The following BICRAL variants were observed in gnomAD, a reference collection of about 807,000 sequenced individuals.
BICRAL encodes BICRA like chromatin remodeling complex associated protein.
Under a neutral mutation model 91.8 loss-of-function variants are expected in BICRAL, and 8 were observed. That is an observed-to-expected ratio of 0.09 (90% CI 0.05 to 0.16). BICRAL has a LOEUF of 0.16. Ranked by LOEUF, BICRAL falls within the 10% of genes least tolerant of loss-of-function variation. The pLI, the probability that BICRAL is intolerant of heterozygous loss-of-function variation, is 1.00. For synonymous variants in BICRAL, 445 were observed against 491.1 expected, an observed-to-expected ratio of 0.91 and a Z score of 1.24; for missense variants, 1,038 against 1,310.9, an observed-to-expected ratio of 0.79 and a Z score of 3.21.
intron 8 of BICRAL, among the ~76,000 whole-genome samples, chr6:42,854,610 T>G (rs1258362853): frequency 6.6e-6 from 1 of 152,150 alleles, no homozygotes; most frequent in Non-Finnish European, 1.5e-5. Context: ...CTCGATCACC[T>G]GGGCTCATGC....
chr6:42,838,538 A>G (rs886546951), intron 6 of BICRAL, among the ~76,000 whole-genome samples: 1 of 152,200 alleles, frequency 6.6e-6, no homozygotes, highest in Non-Finnish European at 1.5e-5. Context: ...AGACCATGTG[A>G]CTATTCTGTT....
intron 6 of BICRAL, among the ~76,000 whole-genome samples, chr6:42,835,053 A>G (rs947612788): frequency 2.6e-5 from 4 of 152,160 alleles, no homozygotes; most frequent in Non-Finnish European, 4.4e-5. Context: ...ATTCTAATCC[A>G]TGACTACAGA....
intron 2 of BICRAL, among the ~76,000 whole-genome samples, chr6:42,814,295 C>T (rs1582838769): frequency 1.5e-5 from 2 of 131,592 alleles, no homozygotes; most frequent in South Asian, 5.1e-4. Flanking sequence ...AGTGCAGTGG[C>T]GTGATCTCAG....
intron 8 of BICRAL, among the ~76,000 whole-genome samples, chr6:42,853,975 A>G (rs1208749237): frequency 6.6e-6 from 1 of 152,176 alleles, no homozygotes; most frequent in African/African-American, 2.4e-5. Context: ...TCATTAATCC[A>G]TCATTTCCTC....
In BICRAL at chr6:42,828,840, G is replaced by A. The variant is rs758298312; in HGVS notation, c.507G>A (p.Thr169=). 48 of 1,614,040 alleles carry A rather than the reference G, an allele frequency of 3.0e-5. No individual in the cohort carries two copies. In the East Asian group the frequency reaches 6.2e-4, roughly 21 times the overall value. ...SGQTLQPIGV[T]HVPVGASFAS... ...AGACGCTGCAGCCTATAGGGGTGAC[G>A]CATGTGCCTGTTGGAGCATCGTTTG... The change falls in exon 6 of 13, where the codon ACG becomes ACA. Residue 169 remains threonine (T), a synonymous_variant. Coordinates refer to ENST00000314073, the MANE Select transcript of BICRAL (RefSeq NM_001393499.1).
At position 42,762,082 on chromosome 6, in the gene BICRAL, G is replaced by A. The variant is rs76167435; in HGVS notation, c.-261+15059G>A. On this transcript the variant is annotated intron_variant, in intron 1 of 14. Transcript: ENST00000614467. ...CGACCTTTTATACTTTTGTTCTTTT[G>A]CAGTTCCCAGTCCTTAAGGTCAGTG... 5.7e-3 allele frequency among the ~76,000 whole-genome samples: 863 copies of A among 152,170 alleles called. 10 individuals are homozygous for A. The highest frequency in any genetic ancestry group is 0.02 in the African/African-American group (819 of 41,508).
upstream of BICRAL, among the ~76,000 whole-genome samples, chr6:42,778,088 A>G (rs1762829037): frequency 6.6e-6 from 1 of 152,216 alleles, no homozygotes; most frequent in African/African-American, 2.4e-5. Flanking sequence ...TTAAATAATT[A>G]CAATTTTGGT....
At position 42,831,871 on chromosome 6, in the gene BICRAL, C is replaced by T. The variant is rs565002706; in HGVS notation, c.1839+1699C>T. On this transcript the variant is annotated intron_variant, in intron 6 of 12. Transcript: ENST00000314073. ...CTTCCACCTCAGCCTCCCAAGTAGC[C>T]GGGAACACAGGTGCAAGCCACCATG... 3.2e-4 allele frequency among the ~76,000 whole-genome samples: 49 copies of T among 151,882 alleles called. No individual in the cohort carries two copies. In the Middle Eastern group the frequency reaches 0.01, roughly 32 times the overall value.
chr6:42,763,642 G>A (rs1762588854), intron 1 of BICRAL, among the ~76,000 whole-genome samples: 1 of 151,692 alleles, frequency 6.6e-6, no homozygotes, highest in South Asian at 2.1e-4. Context: ...CTGACATGGT[G>A]AAACCCCATC....
chr6:42,817,205 ACAC>A (rs1170580180), intron 2 of BICRAL, among the ~76,000 whole-genome samples: 26 of 151,582 alleles, frequency 1.7e-4, no homozygotes, highest in Non-Finnish European at 2.9e-4. Flanking sequence ...TCCCCCACAC[ACAC>A]ATTTGGGAAC....
intron 6 of BICRAL, among the ~76,000 whole-genome samples, chr6:42,849,100 A>G (rs1765103842): frequency 6.6e-6 from 1 of 152,192 alleles, no homozygotes; most frequent in African/African-American, 2.4e-5. Flanking sequence ...AAAGGTGACC[A>G]TGTCCACCTC....
At chr6:42,812,406 A>C (rs1295815698) in intron 2 of BICRAL, among the ~76,000 whole-genome samples, 2 of 152,154 alleles carry the variant, frequency 1.3e-5, no homozygotes, top group Admixed American at 1.3e-4. Flanking sequence ...CACCCTGGGC[A>C]ACACAGTGAG....
chr6:42,787,015 A>G (rs1475869454), intron 1 of BICRAL, among the ~76,000 whole-genome samples: 1 of 152,092 alleles, frequency 6.6e-6, no homozygotes, highest in Non-Finnish European at 1.5e-5. Context: ...ATAACTGGCT[A>G]TTTAGAGGAA....
At chr6:42,775,567 C>T (rs1474566624) in intron 1 of BICRAL, among the ~76,000 whole-genome samples, 1 of 152,176 alleles carries the variant, frequency 6.6e-6, no homozygotes, top group Non-Finnish European at 1.5e-5. Context: ...GTGGTGCCCC[C>T]CTAACCTGAT....
rs570081975 is a variant in BICRAL at position 42,856,325 on chromosome 6, T to G, written c.2108+408T>G. Among the ~76,000 whole-genome samples, 5 of 146,512 alleles carry G rather than the reference T, an allele frequency of 3.4e-5. No homozygotes were observed. In the South Asian group the frequency reaches 1.1e-3, roughly 32 times the overall value. Reference sequence around the variant, plus strand: ...GAGCAAGACCCTGTCTCAAAATATATACATATATACTTTGAAAATCTTTTT... The same window carrying G: ...GAGCAAGACCCTGTCTCAAAATATAGACATATATACTTTGAAAATCTTTTT... On this transcript the variant is annotated intron_variant, in intron 9 of 12. Transcript: ENST00000314073.
upstream of BICRAL, chr6:42,781,723 G>A (rs1582811590): frequency 6.9e-6 from 1 of 144,208 alleles, no homozygotes; most frequent in South Asian, 2.1e-4. Flanking sequence ...ATACATTTCT[G>A]AAGTTGAAAA....
At chr6:42,810,200 G>C (rs1345064142) in intron 1 of BICRAL, 106 bp from the exon 2 acceptor site, 1 of 152,266 alleles carries the variant, frequency 6.6e-6, no homozygotes, top group South Asian at 2.1e-4. Context: ...AGAAATCCTT[G>C]GTTGAATAAT....
chr6:42,827,808 C>G (rs934108081), intron 5 of BICRAL, among the ~76,000 whole-genome samples: 1 of 152,024 alleles, frequency 6.6e-6, no homozygotes, highest in Non-Finnish European at 1.5e-5. Context: ...TCTCATGAAC[C>G]CAGGAGTTCA....
At chr6:42,790,113 A>T (rs1025556220) in intron 1 of BICRAL, among the ~76,000 whole-genome samples, 1 of 152,142 alleles carries the variant, frequency 6.6e-6, no homozygotes, top group African/African-American at 2.4e-5. Flanking sequence ...GATGAGAAAA[A>T]AAGTCTGATT....
Sources: allele counts gnomAD v4.1 joint callset (sites outside exome capture counted in the v4.1 genomes callset), GRCh38; gene constraint gnomAD v4.1.1; transcripts MANE v1.5; gene names NCBI Gene and HGNC (gene_info 2026-07-23, HGNC 2026-07-21).